The following CENPP variants were observed in gnomAD, a reference collection of about 807,000 sequenced individuals.
CENPP encodes centromere protein P.
A neutral mutation model predicts 35.6 loss-of-function variants in CENPP; 24 were observed. The ratio of observed to expected loss-of-function variants is 0.67; its 90% CI spans 0.49 to 0.95. CENPP has a LOEUF of 0.95. CENPP is among the 40% of genes least tolerant of loss of function. CENPP has a pLI of 0.00. For synonymous variants in CENPP, 120 were observed against 125.5 expected, an observed-to-expected ratio of 0.96 and a Z score of 0.29; for missense variants, 332 against 345.3, an observed-to-expected ratio of 0.96 and a Z score of 0.31.
chr9:92,356,429 C>T (rs973604045), intron 4 of CENPP, among the ~76,000 whole-genome samples: 8 of 152,178 alleles, frequency 5.3e-5, no homozygotes, highest in African/African-American at 1.9e-4. Context: ...CCCTGAAAAT[C>T]GCTGCTATTC....
At chr9:92,448,534 AGTGGTC>A (rs970020000) in intron 5 of CENPP, among the ~76,000 whole-genome samples, 11 of 151,886 alleles carry the variant, frequency 7.2e-5, no homozygotes, top group Non-Finnish European at 1.0e-4. Context: ...GTTTTGGAGA[AGTGGTC>A]AGGGAGGCAA....
intron 5 of CENPP, among the ~76,000 whole-genome samples, chr9:92,426,552 C>T (rs1160461760): frequency 1.3e-5 from 2 of 151,844 alleles, no homozygotes; most frequent in African/African-American, 2.4e-5. Context: ...ATGTAGAGTG[C>T]GATGGAAGAG....
Position 92,620,322 on chromosome 9 carries a change from T to C in CENPP, c.*7173T>C, listed in dbSNP as rs1360739973. On this transcript the variant is annotated 3_prime_UTR_variant, in exon 8 of 8. Coordinates refer to ENST00000375587, the MANE Select transcript of CENPP (RefSeq NM_001012267.3). ...ACACACCACACTGTCAGAGTCGACA[T>C]ACGTAAAGCTGTACATGTGCACATG... is the stretch of plus-strand genomic sequence containing the variant. The C allele has an allele frequency of 6.6e-6, 1 of 152,342 alleles. No homozygotes were observed. The highest frequency in any genetic ancestry group is 1.5e-5 in the Non-Finnish European group (1 of 68,180). The allele number at this position is 152,342 out of a possible 1,614,324, so 9.4% of individuals were successfully genotyped here. A position where few individuals can be genotyped will look rare whatever the true frequency, so the allele number is the denominator to read the frequency against.
At chr9:92,571,068 T>A (rs2131354357) in intron 5 of CENPP, among the ~76,000 whole-genome samples, 1 of 152,274 alleles carries the variant, frequency 6.6e-6, no homozygotes, top group South Asian at 2.1e-4. Flanking sequence ...GTTTTTTGTG[T>A]CTCTATCTCC....
intron 1 of CENPP, among the ~76,000 whole-genome samples, chr9:92,328,216 G>T (rs1840630259): frequency 6.6e-6 from 1 of 152,180 alleles, no homozygotes; most frequent in African/African-American, 2.4e-5. Flanking sequence ...GATTGTGGGA[G>T]ACATTAAATG....
intron 5 of CENPP, among the ~76,000 whole-genome samples, chr9:92,464,483 T>C (rs542893639): frequency 6.6e-6 from 1 of 152,380 alleles, no homozygotes; most frequent in African/African-American, 2.4e-5. Flanking sequence ...GGCATGTCCA[T>C]TCCTGCCAGA....
At chr9:92,534,302 G>A (rs1849037627) in intron 5 of CENPP, among the ~76,000 whole-genome samples, 1 of 152,168 alleles carries the variant, frequency 6.6e-6, no homozygotes, top group East Asian at 1.9e-4. Flanking sequence ...GGTCAGCTCA[G>A]TTTCCCCTCT....
intron 5 of CENPP, among the ~76,000 whole-genome samples, chr9:92,440,422 G>A (rs1355834201): frequency 1.3e-5 from 2 of 151,936 alleles, no homozygotes; most frequent in African/African-American, 4.8e-5. Flanking sequence ...GAAAGCTTAC[G>A]AATTTGTGTT....
In CENPP at chr9:92,592,883, C is replaced by T. The variant is rs149801600; in HGVS notation, c.565-18431C>T. Among the ~76,000 whole-genome samples, 14 of 152,228 alleles carry T rather than the reference C, an allele frequency of 9.2e-5. No individual in the cohort carries two copies. In the East Asian group the frequency reaches 2.7e-3, roughly 29 times the overall value. On this transcript the variant is annotated intron_variant, in intron 5 of 7. Coordinates refer to ENST00000375587, the MANE Select transcript of CENPP (RefSeq NM_001012267.3). ...GCTGATTTTGTTCATCAGTATATAC[C>T]CAGCATTTAACATCATATCTGTGCT... is the stretch of plus-strand genomic sequence containing the variant.
rs141786818 is a variant in CENPP at position 92,596,080 on chromosome 9, A to G, written c.565-15234A>G. Reference sequence around the variant, plus strand: ...TGGCAGATTGAAACATACAGCATTTATCAGGCACCCTGCCAAAACCTTTCT... The same window carrying G: ...TGGCAGATTGAAACATACAGCATTTGTCAGGCACCCTGCCAAAACCTTTCT... On this transcript the variant is annotated intron_variant, in intron 5 of 7. Coordinates refer to ENST00000375587, the MANE Select transcript of CENPP (RefSeq NM_001012267.3). 3.7e-4 allele frequency among the ~76,000 whole-genome samples: 56 copies of G among 152,268 alleles called. No homozygotes were observed. The East Asian group carries it at 5.4e-3, about 15-fold the overall frequency.
At chr9:92,327,732 A>G (rs144364430) in intron 1 of CENPP, among the ~76,000 whole-genome samples, 134 of 152,322 alleles carry the variant, frequency 8.8e-4, no homozygotes, top group African/African-American at 3.0e-3. Flanking sequence ...GGAACAGGGG[A>G]ATCAGTTAGC....
intron 5 of CENPP, among the ~76,000 whole-genome samples, chr9:92,576,903 C>G (rs1021047319): frequency 6.6e-6 from 1 of 151,792 alleles, no homozygotes; most frequent in East Asian, 1.9e-4. Flanking sequence ...ACCGTTTGCA[C>G]CAAAAATACT....
At chr9:92,432,401 G>A (rs1844134437) in intron 5 of CENPP, among the ~76,000 whole-genome samples, 1 of 151,972 alleles carries the variant, frequency 6.6e-6, no homozygotes, top group Non-Finnish European at 1.5e-5. Context: ...CTCTTTGTTT[G>A]AAAGACATTT....
intron 5 of CENPP, among the ~76,000 whole-genome samples, chr9:92,477,019 G>T (rs1457107314): frequency 6.6e-6 from 1 of 152,210 alleles, no homozygotes; most frequent in Non-Finnish European, 1.5e-5. Context: ...GGAAGGTAGA[G>T]AACAGAATGA....
chr9:92,425,481 C>G (rs1843940088), intron 5 of CENPP, among the ~76,000 whole-genome samples: 2 of 152,132 alleles, frequency 1.3e-5, no homozygotes, highest in Admixed American at 1.3e-4. Flanking sequence ...ACACTGTTCT[C>G]ATATTCTAAA....
chr9:92,368,582 C>T (rs921727775), intron 4 of CENPP, among the ~76,000 whole-genome samples: 1 of 152,174 alleles, frequency 6.6e-6, no homozygotes, highest in African/African-American at 2.4e-5. Flanking sequence ...ATGAGTTCAT[C>T]GTCTGTTACA....
chr9:92,521,164 A>G (rs550509933), intron 5 of CENPP, among the ~76,000 whole-genome samples: 1 of 152,356 alleles, frequency 6.6e-6, no homozygotes, highest in South Asian at 2.1e-4. Context: ...ATATTTTCGG[A>G]CAACTTGGAA....
intron 5 of CENPP, among the ~76,000 whole-genome samples, chr9:92,528,455 T>A (rs1048400035): frequency 6.6e-6 from 1 of 152,158 alleles, no homozygotes; most frequent in Non-Finnish European, 1.5e-5. Flanking sequence ...AGATGTGAAG[T>A]CTTCCACTGA....
At chr9:92,515,557 C>G (rs904125740) in intron 5 of CENPP, among the ~76,000 whole-genome samples, 4 of 152,178 alleles carry the variant, frequency 2.6e-5, no homozygotes, top group African/African-American at 9.7e-5. Context: ...GTGTTATAAT[C>G]AGTTGTGATA....
Sources: gnomAD v4.1 joint callset for allele counts (sites outside exome capture counted in the v4.1 genomes callset) on GRCh38, gnomAD v4.1.1 for gene constraint, MANE v1.5 for transcripts, NCBI Gene and HGNC (gene_info 2026-07-23, HGNC 2026-07-21) for gene names.